GALNT13: variants seen among roughly 807,000 people sequenced by gnomAD.
The protein encoded by GALNT13 is polypeptide N-acetylgalactosaminyltransferase 13.
GALNT13 carries 28 observed loss-of-function variants against 64.2 expected under a neutral mutation model. The observed-to-expected ratio is 0.44, with a 90% confidence interval of 0.32 to 0.60. GALNT13 has a LOEUF of 0.60. Among genes scored for constraint, GALNT13 ranks in the 20% least tolerant of loss-of-function variants. GALNT13 has a pLI of 0.05. For synonymous variants in GALNT13, 214 were observed against 224.6 expected (o/e 0.95, Z 0.42); for missense variants, 577 against 669.8 (o/e 0.86, Z 1.53).
chr2:153,583,847 A>G, the GALNT13 span, among the ~76,000 whole-genome samples: 1 of 152,204 alleles, frequency 6.6e-6, no homozygotes, highest in East Asian at 1.9e-4. Flanking sequence ...TCTCACACCC[A>G]GCTCTGAGAA....
chr2:153,732,844 T>C, the GALNT13 span, among the ~76,000 whole-genome samples: 1 of 152,084 alleles, frequency 6.6e-6, no homozygotes, highest in African/African-American at 2.4e-5. Context: ...TGTGATCCAA[T>C]ACTAGCCAAT....
chr2:154,163,086 CTCTT>C lies in GALNT13; in HGVS notation c.311+22583_311+22586del, dbSNP rs201577051. On this transcript the variant is annotated intron_variant, in intron 4 of 12. Transcript: ENST00000392825. ...CATGTTGGTGTGTTGCACCCATTAACTCTTTATTTAACATTAGGTATATCTCCTA... is the reference window on the plus strand; with the variant it reads ...CATGTTGGTGTGTTGCACCCATTAACTATTTAACATTAGGTATATCTCCTA... 2.2e-3 allele frequency among the ~76,000 whole-genome samples: 338 copies of C among 150,798 alleles called. 8 individuals carry two copies. The East Asian group carries it at 0.05, about 22-fold the overall frequency.
chr2:153,933,719 T>C (rs1690695984), intron 2 of GALNT13, among the ~76,000 whole-genome samples: 1 of 152,164 alleles, frequency 6.6e-6, no homozygotes, highest in African/African-American at 2.4e-5. Context: ...GTTTGTTTGT[T>C]TTTTTGGTGG....
the GALNT13 span, among the ~76,000 whole-genome samples, chr2:153,368,394 C>A: frequency 6.6e-6 from 1 of 152,090 alleles, no homozygotes; most frequent in African/African-American, 2.4e-5. Context: ...CCCAACCATG[C>A]TATCACTCTG....
intron 3 of GALNT13, among the ~76,000 whole-genome samples, chr2:153,993,250 T>G (rs1695284786): frequency 6.6e-6 from 1 of 152,146 alleles, no homozygotes; most frequent in African/African-American, 2.4e-5. Flanking sequence ...TTACTATAAA[T>G]TAAATATCAA....
chr2:153,723,825 A>T, the GALNT13 span, among the ~76,000 whole-genome samples: 15 of 151,082 alleles, frequency 9.9e-5, no homozygotes, highest in Non-Finnish European at 1.9e-4. Context: ...AAATGCAAGA[A>T]CATTCCACGC....
rs1012923724 is a variant in GALNT13, at chr2:154,377,367, C to T, written c.1157-18624C>T. On this transcript the variant is annotated intron_variant, in intron 9 of 12. Coordinates refer to ENST00000392825, the MANE Select transcript of GALNT13 (RefSeq NM_052917.4). ...GGAAATGTTTATTTCATTTTTGCAA[C>T]TGAAAATTTCTTGGCATTTACAGAA... Among the ~76,000 whole-genome samples the T allele has an allele frequency of 2.5e-4, 38 of 152,024 alleles. 1 individual carries two copies. Among genetic ancestry groups the T allele is most frequent in the Admixed American group, 1.3e-3 (20 of 15,250 alleles).
At chr2:153,439,094 C>T in the GALNT13 span, among the ~76,000 whole-genome samples, 1 of 152,104 alleles carries the variant, frequency 6.6e-6, no homozygotes. Context: ...ACTCCAGACC[C>T]TGTTTGCCTG....
chr2:154,005,554 A>G (rs887657798), intron 3 of GALNT13, among the ~76,000 whole-genome samples: 15 of 152,178 alleles, frequency 9.9e-5, no homozygotes, highest in African/African-American at 3.6e-4. Flanking sequence ...ACTGGAATCT[A>G]CATTCAAGCT....
chr2:153,183,683 A>G, the GALNT13 span, among the ~76,000 whole-genome samples: 1 of 152,336 alleles, frequency 6.6e-6, no homozygotes, highest in East Asian at 1.9e-4. Flanking sequence ...AGTTTTCTGC[A>G]TATGGCTAGC....
chr2:154,214,533 A>T (rs1687942166), intron 4 of GALNT13, among the ~76,000 whole-genome samples: 1 of 152,058 alleles, frequency 6.6e-6, no homozygotes, highest in Non-Finnish European at 1.5e-5. Context: ...CCACGTGTTA[A>T]GGGTGGGATC....
chr2:153,113,821 A>T, the GALNT13 span, among the ~76,000 whole-genome samples: 2 of 152,094 alleles, frequency 1.3e-5, no homozygotes, highest in African/African-American at 4.8e-5. Flanking sequence ...AAAAATACTG[A>T]TAAATAGGCT....
At chr2:153,923,030 G>A in intron 2 of GALNT13, among the ~76,000 whole-genome samples, 1 of 152,032 alleles carries the variant, frequency 6.6e-6, no homozygotes, top group East Asian at 1.9e-4. Context: ...CTCCTGAGTA[G>A]CTGGGATTAC....
the GALNT13 span, among the ~76,000 whole-genome samples, chr2:153,401,721 C>G: frequency 6.8e-6 from 1 of 146,732 alleles, no homozygotes; most frequent in Non-Finnish European, 1.5e-5. Flanking sequence ...GGTTTAAAGT[C>G]TGTTTTATCA....
the GALNT13 span, among the ~76,000 whole-genome samples, chr2:153,324,408 G>A: frequency 6.6e-6 from 1 of 152,248 alleles, no homozygotes; most frequent in East Asian, 1.9e-4. Flanking sequence ...AGACAACAGG[G>A]TTTTCTAAAT....
At chr2:153,942,576 T>C (rs979551089) in intron 2 of GALNT13, among the ~76,000 whole-genome samples, 5 of 152,058 alleles carry the variant, frequency 3.3e-5, no homozygotes, top group South Asian at 2.1e-4. Flanking sequence ...TTAGCTATCA[T>C]TTTTATAGAA....
intron 3 of GALNT13, among the ~76,000 whole-genome samples, chr2:154,029,040 A>G (rs763994826): frequency 1.3e-5 from 2 of 152,012 alleles, no homozygotes; most frequent in African/African-American, 4.8e-5. Flanking sequence ...CGAATTGGTA[A>G]AGCCAGTTGT....
chr2:153,644,399 A>G, the GALNT13 span, among the ~76,000 whole-genome samples: 1 of 151,990 alleles, frequency 6.6e-6, no homozygotes, highest in Non-Finnish European at 1.5e-5. Flanking sequence ...TTTTGTTGAA[A>G]TATTCCCCTC....
At chr2:153,126,281 C>T in the GALNT13 span, among the ~76,000 whole-genome samples, 37 of 139,472 alleles carry the variant, frequency 2.7e-4, 2 homozygotes, top group East Asian at 7.5e-3. Context: ...AGGCTAAGCT[C>T]ACAGTATTGA....
Sources: gnomAD v4.1 joint callset for allele counts (sites outside exome capture counted in the v4.1 genomes callset) on GRCh38, gnomAD v4.1.1 for gene constraint, MANE v1.5 for transcripts, NCBI Gene and HGNC (gene_info 2026-07-23, HGNC 2026-07-21) for gene names.